Variants in BRINP3 observed in about 807,000 individuals in gnomAD.
BRINP3 encodes the protein BMP/retinoic acid inducible neural specific 3, also known as BMP/retinoic acid-inducible neural-specific protein 3.
In BRINP3, 19 loss-of-function variants were observed where a neutral mutation model predicts 71.0. The ratio of observed to expected loss-of-function variants is 0.27; its 90% CI spans 0.19 to 0.39. The LOEUF is 0.39. Among genes scored for constraint, BRINP3 ranks in the 10% least tolerant of loss-of-function variants. The probability of loss-of-function intolerance (pLI) is 1.00; values close to 1 mark genes in which losing one functional copy is unlikely to be tolerated. For synonymous variants in BRINP3, 380 were observed against 337.7 expected, an observed-to-expected ratio of 1.13 and a Z score of -1.37; for missense variants, 959 against 940.8, an observed-to-expected ratio of 1.02 and a Z score of -0.25.
intron 6 of BRINP3, among the ~76,000 whole-genome samples, chr1:190,215,370 G>A (rs1401437777): frequency 6.6e-6 from 1 of 151,816 alleles, no homozygotes. Flanking sequence ...AATGAACATT[G>A]AGCAACCGAC....
chr1:190,477,325 C>A (rs1003530013), intron 1 of BRINP3, 123 bp downstream of exon 1: 2 of 151,916 alleles, frequency 1.3e-5, no homozygotes, highest in African/African-American at 4.8e-5. Context: ...ATAAATATGG[C>A]CATATGGATC....
intron 2 of BRINP3, among the ~76,000 whole-genome samples, chr1:190,438,041 A>C (rs2102542155): frequency 6.6e-6 from 1 of 151,474 alleles, no homozygotes; most frequent in Admixed American, 6.6e-5. Context: ...TCACAATAAA[A>C]TCAAAACTGT....
At chr1:190,473,881 T>C (rs1235663740) in intron 1 of BRINP3, among the ~76,000 whole-genome samples, 3 of 152,134 alleles carry the variant, frequency 2.0e-5, no homozygotes, top group East Asian at 1.9e-4. Context: ...TTTTTCCTTC[T>C]ATTTTACAAC....
chr1:190,198,086 C>A (rs770043043), intron 6 of BRINP3, among the ~76,000 whole-genome samples: 6 of 151,942 alleles, frequency 3.9e-5, no homozygotes, highest in Non-Finnish European at 5.9e-5. Flanking sequence ...CTTGAAGCTA[C>A]CAACCCTCTG....
At chr1:190,388,245 C>T (rs542237532) in intron 2 of BRINP3, among the ~76,000 whole-genome samples, 1 of 151,718 alleles carries the variant, frequency 6.6e-6, no homozygotes, top group African/African-American at 2.4e-5. Flanking sequence ...TCTATGCCTG[C>T]AGCATCTGTA....
chr1:190,208,122 T>A (rs901527498), intron 6 of BRINP3, among the ~76,000 whole-genome samples: 4 of 151,794 alleles, frequency 2.6e-5, no homozygotes, highest in African/African-American at 9.7e-5. Context: ...TAATTTTTTT[T>A]TTTATTTTTT....
intron 2 of BRINP3, among the ~76,000 whole-genome samples, chr1:190,414,224 C>T (rs1278661504): frequency 6.6e-6 from 1 of 152,006 alleles, no homozygotes; most frequent in Non-Finnish European, 1.5e-5. Context: ...ACTAAAGTGG[C>T]ATAGTCAGAG....
chr1:190,234,781 C>T (rs1355288932), intron 4 of BRINP3, among the ~76,000 whole-genome samples: 1 of 152,054 alleles, frequency 6.6e-6, no homozygotes, highest in East Asian at 1.9e-4. Context: ...AAAAAAGGCC[C>T]ACTCCTTATG....
intron 2 of BRINP3, among the ~76,000 whole-genome samples, chr1:190,422,953 T>A (rs1255901425): frequency 1.3e-5 from 2 of 151,806 alleles, no homozygotes; most frequent in Non-Finnish European, 2.9e-5. Flanking sequence ...TTTTTAAGAA[T>A]CCTTGAAAAA....
intron 2 of BRINP3, among the ~76,000 whole-genome samples, chr1:190,354,686 T>C (rs1668614834): frequency 6.6e-6 from 1 of 151,840 alleles, no homozygotes; most frequent in South Asian, 2.1e-4. Context: ...CACTAAATAT[T>C]TTTTGTTCTA....
At chr1:190,432,537 T>A (rs1332258846) in intron 2 of BRINP3, among the ~76,000 whole-genome samples, 1 of 152,184 alleles carries the variant, frequency 6.6e-6, no homozygotes, top group African/African-American at 2.4e-5. Flanking sequence ...ATGTGTGTTT[T>A]AGTGTCTATA....
chr1:190,351,773 A>G (rs1316700043), intron 2 of BRINP3, among the ~76,000 whole-genome samples: 1 of 152,130 alleles, frequency 6.6e-6, no homozygotes, highest in East Asian at 1.9e-4. Flanking sequence ...ATATAAATTA[A>G]CAATAATATG....
intron 2 of BRINP3, among the ~76,000 whole-genome samples, chr1:190,382,656 G>A (rs559186169): frequency 6.6e-6 from 1 of 152,202 alleles, no homozygotes; most frequent in East Asian, 1.9e-4. Flanking sequence ...ATTCAAAGCT[G>A]TCCTTTATCT....
intron 2 of BRINP3, among the ~76,000 whole-genome samples, chr1:190,417,261 C>T (rs1673069036): frequency 6.6e-6 from 1 of 151,806 alleles, no homozygotes; most frequent in East Asian, 1.9e-4. Flanking sequence ...AATCATTTTG[C>T]CATAAAAGAA....
At chr1:190,121,080 A>T (rs1653609609) in intron 7 of BRINP3, among the ~76,000 whole-genome samples, 1 of 152,298 alleles carries the variant, frequency 6.6e-6, no homozygotes, top group South Asian at 2.1e-4. Flanking sequence ...AAATAAAATT[A>T]TCTATGAAAT....
intron 2 of BRINP3, among the ~76,000 whole-genome samples, chr1:190,453,545 G>C (rs1339784662): frequency 2.6e-5 from 4 of 152,008 alleles, no homozygotes; most frequent in African/African-American, 9.7e-5. Context: ...AAAAAATAGA[G>C]TAAATCTTTT....
intron 5 of BRINP3, among the ~76,000 whole-genome samples, chr1:190,227,833 A>C (rs920628491): frequency 6.6e-6 from 1 of 151,952 alleles, no homozygotes; most frequent in South Asian, 2.1e-4. Flanking sequence ...GTGCTTACAC[A>C]CATAAATGAG....
intron 1 of BRINP3, among the ~76,000 whole-genome samples, chr1:190,473,662 G>T (rs1409677504): frequency 2.0e-5 from 3 of 149,830 alleles, no homozygotes; most frequent in African/African-American, 7.4e-5. Context: ...GAATGTGTTT[G>T]TCATTTTAAT....
chr1:190,331,142 C>G (rs867161273), intron 2 of BRINP3, among the ~76,000 whole-genome samples: 10 of 152,122 alleles, frequency 6.6e-5, no homozygotes, highest in African/African-American at 1.9e-4. Context: ...AGAGTCATCT[C>G]ACATTCTCCT....
Sources: allele counts gnomAD v4.1 joint callset (sites outside exome capture counted in the v4.1 genomes callset), GRCh38; gene constraint gnomAD v4.1.1; transcripts MANE v1.5; gene names NCBI Gene and HGNC (gene_info 2026-07-23, HGNC 2026-07-21).